HS6ST3: variants seen among roughly 807,000 people sequenced by gnomAD.
HS6ST3 encodes heparan-sulfate 6-O-sulfotransferase 3.
In HS6ST3, 12 loss-of-function variants were observed where a neutral mutation model predicts 36.7. The ratio of observed to expected loss-of-function variants is 0.33; its 90% CI spans 0.21 to 0.53. The LOEUF (loss-of-function observed/expected upper bound fraction) is 0.53. Ranked by LOEUF, HS6ST3 falls within the 20% of genes least tolerant of loss-of-function variation. HS6ST3 has a pLI of 0.95. For synonymous variants in HS6ST3, 240 were observed against 257.5 expected, an observed-to-expected ratio of 0.93 and a Z score of 0.65; for missense variants, 584 against 640.9, an observed-to-expected ratio of 0.91 and a Z score of 0.96.
intron 1 of HS6ST3, among the ~76,000 whole-genome samples, chr13:96,283,747 T>C (rs2054786754): frequency 6.6e-6 from 1 of 152,202 alleles, no homozygotes; most frequent in Non-Finnish European, 1.5e-5. Context: ...CTCCTCCTTA[T>C]GGGACAGTGC....
At chr13:96,231,843 G>T (rs1045131340) in intron 1 of HS6ST3, among the ~76,000 whole-genome samples, 1 of 152,168 alleles carries the variant, frequency 6.6e-6, no homozygotes, top group East Asian at 1.9e-4. Flanking sequence ...ACATAGGGGG[G>T]TTAACCTTCT....
At chr13:96,802,941 A>C (rs1366340769) in intron 1 of HS6ST3, among the ~76,000 whole-genome samples, 1 of 152,180 alleles carries the variant, frequency 6.6e-6, no homozygotes, top group Non-Finnish European at 1.5e-5. Flanking sequence ...GCTGCAGATC[A>C]CATCTTGTCC....
chr13:96,562,616 A>G (rs1357218477), intron 1 of HS6ST3, among the ~76,000 whole-genome samples: 1 of 152,180 alleles, frequency 6.6e-6, no homozygotes, highest in Non-Finnish European at 1.5e-5. Flanking sequence ...TTGACCATTC[A>G]GATTTTTAAA....
At chr13:96,818,967 A>ACTT (rs1187394429) in intron 1 of HS6ST3, among the ~76,000 whole-genome samples, 8 of 152,248 alleles carry the variant, frequency 5.3e-5, no homozygotes. Context: ...GTGTGTTGAA[A>ACTT]CTTCTTAAGT....
intron 1 of HS6ST3, among the ~76,000 whole-genome samples, chr13:96,751,067 T>C (rs192220809): frequency 5.3e-5 from 8 of 152,318 alleles, no homozygotes; most frequent in Non-Finnish European, 1.0e-4. Context: ...ACACTTTTTT[T>C]TACCCTCATC....
chr13:96,140,938 A>G (rs899493658), intron 1 of HS6ST3, among the ~76,000 whole-genome samples: 6 of 152,204 alleles, frequency 3.9e-5, no homozygotes, highest in Admixed American at 3.3e-4. Context: ...GTTTGGCTTA[A>G]AAAATGTCAA....
At chr13:96,431,802 C>A (rs941157298) in intron 1 of HS6ST3, among the ~76,000 whole-genome samples, 3 of 152,214 alleles carry the variant, frequency 2.0e-5, no homozygotes, top group African/African-American at 7.2e-5. Flanking sequence ...CGACATAGAT[C>A]ATCTCTTGTA....
At position 96,588,385 on chromosome 13, in the gene HS6ST3, A is replaced by G. The variant is rs146525331; in HGVS notation, c.708-244105A>G. Among the ~76,000 whole-genome samples, 14 of 152,178 alleles carry G rather than the reference A, an allele frequency of 9.2e-5. No individual in the cohort carries two copies. In the East Asian group the frequency reaches 2.7e-3, roughly 29 times the overall value. On this transcript the variant is annotated intron_variant, in intron 1 of 1. Coordinates refer to ENST00000376705, the MANE Select transcript of HS6ST3 (RefSeq NM_153456.4). ...TTTGGGTTTGTCATCTATGGCCTAT[A>G]TTGTGTTGAGGTACATTTTTTCCAT...
At chr13:96,439,884 A>C (rs768817287) in intron 1 of HS6ST3, among the ~76,000 whole-genome samples, 2 of 152,188 alleles carry the variant, frequency 1.3e-5, no homozygotes, top group Non-Finnish European at 2.9e-5. Context: ...AGTCTGGGTA[A>C]TTTTGGGTAG....
chr13:96,679,671 C>T (rs1363064245), intron 1 of HS6ST3, among the ~76,000 whole-genome samples: 1 of 152,150 alleles, frequency 6.6e-6, no homozygotes, highest in African/African-American at 2.4e-5. Flanking sequence ...GTAGGAGGAA[C>T]TCACTTGAAT....
chr13:96,602,738 T>C (rs555449381), intron 1 of HS6ST3, among the ~76,000 whole-genome samples: 2 of 152,298 alleles, frequency 1.3e-5, no homozygotes, highest in South Asian at 4.1e-4. Flanking sequence ...GATCTAGAAC[T>C]GATGTCTGTG....
chr13:96,586,506 G>A (rs2056361871), intron 1 of HS6ST3, among the ~76,000 whole-genome samples: 1 of 152,074 alleles, frequency 6.6e-6, no homozygotes, highest in South Asian at 2.1e-4. Flanking sequence ...ATGTTGGCCA[G>A]GCTGGTCTCA....
intron 1 of HS6ST3, among the ~76,000 whole-genome samples, chr13:96,715,305 C>T (rs1875667924): frequency 6.6e-6 from 1 of 151,912 alleles, no homozygotes; most frequent in Non-Finnish European, 1.5e-5. Flanking sequence ...CAATGTCTAG[C>T]TAGTCATTAA....
At chr13:96,799,966 G>GTA (rs1221321839) in intron 1 of HS6ST3, among the ~76,000 whole-genome samples, 761 of 60,670 alleles carry the variant, frequency 0.013, 19 homozygotes, top group Non-Finnish European at 0.017. Flanking sequence ...ATATATATGT[G>GTA]TATATATATA....
At chr13:96,250,034 A>T (rs1311156558) in intron 1 of HS6ST3, among the ~76,000 whole-genome samples, 2 of 152,216 alleles carry the variant, frequency 1.3e-5, no homozygotes, top group Non-Finnish European at 2.9e-5. Flanking sequence ...TGTACAACAA[A>T]GTGAATGATT....
chr13:96,447,694 T>C (rs1430913199), intron 1 of HS6ST3, among the ~76,000 whole-genome samples: 1 of 152,180 alleles, frequency 6.6e-6, no homozygotes, highest in Admixed American at 6.5e-5. Context: ...CAGTTTTTTC[T>C]AGGGCTACGT....
At chr13:96,738,637 T>A (rs566498018) in intron 1 of HS6ST3, among the ~76,000 whole-genome samples, 1 of 152,268 alleles carries the variant, frequency 6.6e-6, no homozygotes, top group East Asian at 1.9e-4. Flanking sequence ...CTTGTGGTCA[T>A]TGAGAATGTA....
intron 1 of HS6ST3, among the ~76,000 whole-genome samples, chr13:96,133,571 C>T (rs567618576): frequency 6.6e-6 from 1 of 152,108 alleles, no homozygotes; most frequent in Admixed American, 6.5e-5. Flanking sequence ...TACAGGTGTG[C>T]ACCACCATGG....
intron 1 of HS6ST3, among the ~76,000 whole-genome samples, chr13:96,431,225 AAAC>A (rs71213616): frequency 0.29 from 43,636 of 150,278 alleles, 7,395 homozygotes; most frequent in African/African-American, 0.47. Context: ...ACAAACAAAC[AAAC>A]AACAACAACA....
Sources: gnomAD v4.1 joint callset for allele counts (sites outside exome capture counted in the v4.1 genomes callset) on GRCh38, gnomAD v4.1.1 for gene constraint, MANE v1.5 for transcripts, NCBI Gene and HGNC (gene_info 2026-07-23, HGNC 2026-07-21) for gene names.